SMS: variants seen among roughly 807,000 people sequenced by gnomAD.
The protein encoded by SMS is spermidine aminopropyltransferase.
A neutral mutation model predicts 33.0 loss-of-function variants in SMS; 3 were observed. The ratio of observed to expected loss-of-function variants is 0.09; its 90% CI spans 0.04 to 0.23. SMS has a LOEUF of 0.23. SMS is among the 10% of genes least tolerant of loss of function. SMS has a pLI of 1.00. For synonymous variants in SMS, 103 were observed against 112.2 expected (o/e 0.92, Z 0.52); for missense variants, 117 against 288.6 (o/e 0.41, Z 4.31).
chrX:21,955,293 T>A (rs2147496243), intron 1 of SMS, among the ~76,000 whole-genome samples: 1 of 112,477 alleles, frequency 8.9e-6, no homozygotes, highest in African/African-American at 3.2e-5. Flanking sequence ...CCATGGTTTC[T>A]ACTTTGGCAA....
intron 9 of SMS, among the ~76,000 whole-genome samples, chrX:21,989,411 G>A (rs1342889251): frequency 1.8e-5 from 2 of 111,878 alleles, no homozygotes; most frequent in Non-Finnish European, 3.8e-5. Context: ...ATAAAATCTG[G>A]ACTTTGCAGG....
At chrX:21,974,407 C>G (rs962743706) in intron 4 of SMS, among the ~76,000 whole-genome samples, 1 of 112,096 alleles carries the variant, frequency 8.9e-6, no homozygotes, top group African/African-American at 3.2e-5. Context: ...AGCCATGTCT[C>G]TTACCCTTCA....
At chrX:21,975,922 T>C (rs1425977655) in intron 4 of SMS, among the ~76,000 whole-genome samples, 3 of 110,926 alleles carry the variant, frequency 2.7e-5, no homozygotes. Context: ...ATTTTACATG[T>C]CTACAGCTGT....
chrX:21,992,333 T>A (rs1925809930), intron 9 of SMS, among the ~76,000 whole-genome samples: 1 of 112,741 alleles, frequency 8.9e-6, no homozygotes, highest in African/African-American at 3.2e-5. Flanking sequence ...GTGTCACTAA[T>A]AAGAAATTGG....
In SMS at chrX:21,979,010, A is replaced by G. The variant is rs1227650504; in HGVS notation, c.750+44A>G. 5 of 926,776 alleles carry G rather than the reference A, an allele frequency of 5.4e-6. No homozygotes were observed. The African/African-American group carries it at 9.7e-5, about 18-fold the overall frequency. 76.4% of individuals were successfully genotyped at this position (926,776 alleles called of 1,213,427 possible). ...ATGTAGTTTTAAGTGAACTAATAATATAAGTTATTGATCAGAATTGTGCCT... is the reference window on the plus strand; with the variant it reads ...ATGTAGTTTTAAGTGAACTAATAATGTAAGTTATTGATCAGAATTGTGCCT... On this transcript the variant is annotated intron_variant, in intron 7 of 10. Coordinates refer to ENST00000404933, the MANE Select transcript of SMS (RefSeq NM_004595.5).
intron 1 of SMS, among the ~76,000 whole-genome samples, chrX:21,963,910 A>T (rs1306532633): frequency 9.0e-6 from 1 of 111,621 alleles, no homozygotes; most frequent in Admixed American, 9.5e-5. Flanking sequence ...CCAAGGAGGG[A>T]TTGCTTAATT....
At chrX:21,965,120 C>G (rs1160154081) in intron 1 of SMS, among the ~76,000 whole-genome samples, 1 of 111,752 alleles carries the variant, frequency 8.9e-6, no homozygotes, top group Admixed American at 9.5e-5. Flanking sequence ...GGGCACTTGT[C>G]ATTGGGTTTA....
At chrX:21,951,602 G>C (rs1338708801) in intron 1 of SMS, among the ~76,000 whole-genome samples, 1 of 111,283 alleles carries the variant, frequency 9.0e-6, no homozygotes, top group East Asian at 2.8e-4. Context: ...AATCCATCTT[G>C]AGTTAATTTT....
At chrX:21,973,722 C>T (rs910801674) in intron 4 of SMS, among the ~76,000 whole-genome samples, 7 of 113,329 alleles carry the variant, frequency 6.2e-5, no homozygotes, top group South Asian at 7.2e-4. Flanking sequence ...ACTAGCCCCA[C>T]ATGGCTATTT....
At chrX:21,940,982 G>A (rs1299631062) in intron 1 of SMS, 109 bp downstream of exon 1, 2 of 265,196 alleles carry the variant, frequency 7.5e-6, no homozygotes, top group Non-Finnish European at 5.2e-6. Flanking sequence ...CAATGCGGGC[G>A]GCCCGCGCGG....
intron 1 of SMS, among the ~76,000 whole-genome samples, chrX:21,956,002 G>A (rs1922947562): frequency 1.8e-5 from 2 of 112,241 alleles, no homozygotes; most frequent in South Asian, 7.4e-4. Context: ...CAGTCCCAGT[G>A]TCTGTGGGAA....
chrX:21,945,347 A>C (rs1470687447), intron 1 of SMS, among the ~76,000 whole-genome samples: 1 of 111,978 alleles, frequency 8.9e-6, no homozygotes, highest in Non-Finnish European at 1.9e-5. Context: ...TAGGTCTGTC[A>C]TTTGGACCAT....
intron 2 of SMS, among the ~76,000 whole-genome samples, chrX:21,968,815 C>T (rs1254687178): frequency 8.9e-6 from 1 of 111,900 alleles, no homozygotes; most frequent in Non-Finnish European, 1.9e-5. Flanking sequence ...TAATAGGGTG[C>T]AGTATGTACT....
chrX:21,985,943 C>T (rs930607167), intron 9 of SMS, among the ~76,000 whole-genome samples: 9 of 110,964 alleles, frequency 8.1e-5, no homozygotes, highest in African/African-American at 3.0e-4. Context: ...ATTGTTTGAG[C>T]CTGGGAGGTT....
chrX:21,965,022 A>G (rs181834254), intron 1 of SMS, among the ~76,000 whole-genome samples: 1 of 110,900 alleles, frequency 9.0e-6, no homozygotes, highest in African/African-American at 3.3e-5. Context: ...TGGGCTTGGC[A>G]TGTTGCTCTT....
At chrX:21,975,340 A>G (rs1438948947) in intron 4 of SMS, among the ~76,000 whole-genome samples, 1 of 111,952 alleles carries the variant, frequency 8.9e-6, no homozygotes, top group East Asian at 2.8e-4. Context: ...AAAAAACCAT[A>G]GAGTTACAAT....
intron 1 of SMS, 107 bp downstream of exon 1, chrX:21,940,980 G>T: frequency 1.9e-5 from 5 of 263,371 alleles, no homozygotes; most frequent in Non-Finnish European, 2.7e-5. Context: ...AACAATGCGG[G>T]CGGCCCGCGC....
At chrX:21,992,516 C>T in intron 9 of SMS, 81 bp from the exon 10 acceptor site, 1 of 582,011 alleles carries the variant, frequency 1.7e-6, no homozygotes, top group Non-Finnish European at 3.0e-6. Flanking sequence ...TAGAATTGTT[C>T]TCCTTTATTA....
At chrX:21,944,933 T>C (rs1284748211) in intron 1 of SMS, among the ~76,000 whole-genome samples, 2 of 111,153 alleles carry the variant, frequency 1.8e-5, no homozygotes, top group East Asian at 5.7e-4. Context: ...GAGCCCAGAT[T>C]GTGCCACTGC....
Sources: allele counts gnomAD v4.1 joint callset (sites outside exome capture counted in the v4.1 genomes callset), GRCh38; gene constraint gnomAD v4.1.1; transcripts MANE v1.5; gene names NCBI Gene and HGNC (gene_info 2026-07-23, HGNC 2026-07-21).